Variants in ARHGAP4 observed in about 807,000 individuals in gnomAD.
The protein encoded by ARHGAP4 is rho GTPase-activating protein 4.
A neutral mutation model predicts 67.6 loss-of-function variants in ARHGAP4; 25 were observed. The ratio of observed to expected loss-of-function variants is 0.37; its 90% CI spans 0.27 to 0.52. ARHGAP4 has a LOEUF of 0.52. Among genes scored for constraint, ARHGAP4 ranks in the 20% least tolerant of loss-of-function variants. The probability of loss-of-function intolerance (pLI) is 0.92; values close to 1 mark genes in which losing one functional copy is unlikely to be tolerated. For missense variants in ARHGAP4, 804 were observed against 854.6 expected, an observed-to-expected ratio of 0.94 and a Z score of 0.74; for synonymous variants, 448 against 373.7, an observed-to-expected ratio of 1.20 and a Z score of -2.29.
At chrX:153,915,499 G>T (rs1046715932) in intron 7 of ARHGAP4, among the ~76,000 whole-genome samples, 45 of 111,960 alleles carry the variant, frequency 4.0e-4, no homozygotes, top group Non-Finnish European at 7.5e-4. Flanking sequence ...GAGCCCAGGA[G>T]TTTGAGACCA....
Position 153,913,844 on chromosome X carries a change from G to A in ARHGAP4, c.1068C>T (p.Asp356=), listed in dbSNP as rs368446618. 1.2e-5 allele frequency: 15 copies of A among 1,210,865 alleles called. No homozygotes were observed. The Admixed American group carries it at 2.2e-4, about 18-fold the overall frequency. ...TGTTCTGGGCTCTGGGCAGAATCTC[G>A]TCCCGCAGCTCCATTTCAACGCAGA... ...AEICVEMELR[D]EILPRAQNIQ... The change falls in exon 8 of 22, where the codon GAC becomes GAT. Residue 356 remains aspartate (D), a synonymous_variant. Transcript: ENST00000350060.
In ARHGAP4 at chrX:153,910,713, C is replaced by T. The variant is rs2065013820; in HGVS notation, c.1803G>A (p.Leu601=). The change falls in exon 15 of 22, where the codon CTG becomes CTA. Residue 601 remains leucine (L), a synonymous_variant. Transcript: ENST00000350060. ...PLFPPDLFGE[L]LASSELEATA... ...CCCCAGCCTCACCCGAAGAAGCCAGCAGCTCGCCGAACAGGTCTGGGGGGA... is the reference window on the plus strand; with the variant it reads ...CCCCAGCCTCACCCGAAGAAGCCAGTAGCTCGCCGAACAGGTCTGGGGGGA... 1 of 1,194,511 alleles carries T rather than the reference C, an allele frequency of 8.4e-7. No individual in the cohort carries two copies. The highest frequency in any genetic ancestry group is 1.1e-6 in the Non-Finnish European group (1 of 886,569).
At chrX:153,908,993 G>A (rs2064994598) in intron 21 of ARHGAP4, 77 bp downstream of exon 21, 16 of 1,044,996 alleles carry the variant, frequency 1.5e-5, no homozygotes, top group Non-Finnish European at 1.9e-5. Flanking sequence ...CCTCGAGGAG[G>A]GAGGAGTTTG....
At chrX:153,911,944 C>T (rs2065024293) in intron 12 of ARHGAP4, among the ~76,000 whole-genome samples, 1 of 110,110 alleles carries the variant, frequency 9.1e-6, no homozygotes, top group African/African-American at 3.3e-5. Context: ...GAAAGAAACT[C>T]AAAGTGCTCG....
At chrX:153,922,121 C>G in intron 1 of ARHGAP4, 7 of 951,905 alleles carry the variant, frequency 7.4e-6, no homozygotes, top group Non-Finnish European at 9.2e-6. Flanking sequence ...GCCAGCCAGG[C>G]ACCTTTCAGT....
intron 12 of ARHGAP4, among the ~76,000 whole-genome samples, chrX:153,911,706 G>A (rs2065022273): frequency 9.0e-6 from 1 of 111,623 alleles, no homozygotes; most frequent in Non-Finnish European, 1.9e-5. Flanking sequence ...GAGGTCAGAA[G>A]TTCGAGACCA....
At chrX:153,924,293 G>A (rs782207840) in intron 1 of ARHGAP4, among the ~76,000 whole-genome samples, 137 of 111,626 alleles carry the variant, frequency 1.2e-3, no homozygotes, top group Non-Finnish European at 2.1e-3. Flanking sequence ...AAGCTGACTG[G>A]AAGCCATGTC....
intron 1 of ARHGAP4, among the ~76,000 whole-genome samples, chrX:153,922,925 A>AAAGC (rs1383752876): frequency 9.0e-6 from 1 of 111,302 alleles, no homozygotes; most frequent in Non-Finnish European, 1.9e-5. Context: ...ATGAACCCAC[A>AAAGC]AAGCAAGATC....
chrX:153,910,212 G>C lies in ARHGAP4; in HGVS notation c.2115C>G (p.Val705=), dbSNP rs782614060. 2 of 1,211,330 alleles carry C rather than the reference G, an allele frequency of 1.7e-6. No homozygotes were observed. Among genetic ancestry groups the C allele is most frequent in the Non-Finnish European group, 2.2e-6 (2 of 895,463 alleles). Residue 705 remains valine (V), a synonymous_variant, in exon 17 of 22, where the codon GTC becomes GTG. Coordinates refer to ENST00000350060, the MANE Select transcript of ARHGAP4 (RefSeq NM_001666.5). ...AAGGCGGTGCCATGCACTTCTCGTA[G>C]ACGGGGCCAGGCAGCGAGGTCAGGG... The part of the protein sequence containing the change: ...FPPLTSLPGP[V]YEKCMAPPSA...
At chrX:153,925,000 G>A (rs1216808350) in intron 1 of ARHGAP4, among the ~76,000 whole-genome samples, 9 of 111,957 alleles carry the variant, frequency 8.0e-5, no homozygotes, top group South Asian at 3.7e-4. Flanking sequence ...TTAGACAGTC[G>A]TGCTCGAAAC....
At chrX:153,913,706 G>A in intron 8 of ARHGAP4, 72 bp downstream of exon 8, 1 of 1,171,252 alleles carries the variant, frequency 8.5e-7, no homozygotes, top group Non-Finnish European at 1.2e-6. Flanking sequence ...AGGCAGGGCA[G>A]CCACTTCCAA....
At position 153,910,783 on chromosome X, in the gene ARHGAP4, G is replaced by A; in HGVS notation, c.1733C>T (p.Ala578Val). The A allele has an allele frequency of 8.4e-7, 1 of 1,192,220 alleles. No individual in the cohort carries two copies. Among genetic ancestry groups the A allele is most frequent in the Non-Finnish European group, 1.1e-6 (1 of 885,444 alleles). ...GCTAHDLDSV[A>V]GVLKLYFRSL... ...CCGGAAGTAGAGCTTCAGCACCCCG[G>A]CCACCGAGTCCAGGTCATGGGCAGT... The change falls in exon 15 of 22, where the codon GCC (alanine) becomes GTC (valine). Residue 578 changes from alanine to valine, a missense_variant. Physicochemically the swap from Ala to Val is moderately conservative, Grantham distance 64 (BLOSUM62 0). Coordinates refer to ENST00000350060, the MANE Select transcript of ARHGAP4 (RefSeq NM_001666.5).
chrX:153,917,086 G>A (rs886518464), intron 7 of ARHGAP4, among the ~76,000 whole-genome samples: 2 of 111,204 alleles, frequency 1.8e-5, no homozygotes, highest in South Asian at 7.6e-4. Flanking sequence ...CGTGGTGGCG[G>A]GCACCTGTAG....
rs182390127 is a variant in ARHGAP4 at position 153,920,503 on chromosome X, A to C, written c.681+123T>G. On this transcript the variant is annotated intron_variant, in intron 5 of 21. Transcript: ENST00000350060. ...TTCCGTATGGAATCCCTGGAACCTG[A>C]TGGCACTGTCCTGCCACTCCTGCCC... The C allele has an allele frequency of 1.0e-5, 8 of 788,444 alleles. No individual in the cohort carries two copies. The African/African-American group carries it at 1.5e-4, about 15-fold the overall frequency. 65.0% of individuals were successfully genotyped at this position (788,444 alleles called of 1,213,427 possible).
chrX:153,919,336 C>T (rs782440273), intron 5 of ARHGAP4, 53 bp from the exon 6 acceptor site: 2 of 1,208,819 alleles, frequency 1.7e-6, no homozygotes, highest in East Asian at 5.9e-5. Context: ...CAGCCCCTAT[C>T]TCTAGCCTTT....
intron 7 of ARHGAP4, among the ~76,000 whole-genome samples, chrX:153,915,172 C>T (rs1393492098): frequency 1.0e-5 from 1 of 97,886 alleles, no homozygotes. Flanking sequence ...TGAGGGGCCT[C>T]AAAGGAGAGC....
chrX:153,920,220 C>T (rs2065083496), intron 5 of ARHGAP4, among the ~76,000 whole-genome samples: 1 of 112,767 alleles, frequency 8.9e-6, no homozygotes, highest in African/African-American at 3.2e-5. Flanking sequence ...TGACTGTCAG[C>T]CACGCACAGC....
At chrX:153,910,862 G>C (rs979819296) in intron 14 of ARHGAP4, 28 bp from the exon 15 acceptor site, 8 of 1,184,898 alleles carry the variant, frequency 6.8e-6, no homozygotes, top group Non-Finnish European at 9.1e-6. Flanking sequence ...GTGCGGTAGG[G>C]GGAGGAAGCT....
chrX:153,911,253 T>TG, intron 12 of ARHGAP4, 64 bp from the exon 13 acceptor site: 1 of 61,288 alleles, frequency 1.6e-5, no homozygotes, highest in Non-Finnish European at 2.6e-5. Flanking sequence ...ATTCAATTGC[T>TG]TTTTTTTTTT....
Sources: gnomAD v4.1 joint callset for allele counts (sites outside exome capture counted in the v4.1 genomes callset) on GRCh38, gnomAD v4.1.1 for gene constraint, MANE v1.5 for transcripts, NCBI Gene and HGNC (gene_info 2026-07-23, HGNC 2026-07-21) for gene names.